The following ITCH variants were observed in gnomAD, a reference collection of about 807,000 sequenced individuals.
ITCH encodes itchy E3 ubiquitin protein ligase.
In ITCH, 28 loss-of-function variants were observed where a neutral mutation model predicts 126.8. The ratio of observed to expected loss-of-function variants is 0.22; its 90% CI spans 0.16 to 0.30. The LOEUF (loss-of-function observed/expected upper bound fraction) is 0.30. Among genes scored for constraint, ITCH ranks in the 10% least tolerant of loss-of-function variants. The pLI is 1.00. For synonymous variants in ITCH, 342 were observed against 340.0 expected (o/e 1.01, Z -0.06); for missense variants, 631 against 1,032.4 (o/e 0.61, Z 5.33).
intron 12 of ITCH, among the ~76,000 whole-genome samples, chr20:34,456,099 G>GTA (rs1383672478): frequency 1.4e-5 from 2 of 139,100 alleles, no homozygotes; most frequent in Non-Finnish European, 3.1e-5. Flanking sequence ...ATATATGTAT[G>GTA]TATATATACA....
chr20:34,455,720 C>T (rs559230560), intron 12 of ITCH, among the ~76,000 whole-genome samples: 4 of 151,462 alleles, frequency 2.6e-5, no homozygotes, highest in Admixed American at 2.0e-4. Context: ...TCAGGCAGTC[C>T]GCCCGCCTCT....
chr20:34,412,414 G>A, intron 4 of ITCH, 101 bp from the exon 5 acceptor site: 1 of 882,496 alleles, frequency 1.1e-6, no homozygotes, highest in Non-Finnish European at 1.8e-6. Context: ...AAGGGGTGCA[G>A]TGAGAAGACT....
chr20:34,401,325 C>A (rs2038877829), intron 3 of ITCH, among the ~76,000 whole-genome samples: 1 of 151,910 alleles, frequency 6.6e-6, no homozygotes, highest in Admixed American at 6.6e-5. Context: ...AAATTACAAG[C>A]TCAACCCATT....
chr20:34,427,803 TAAACCTGTATCTTTGTATAATA>T (rs1981754242), intron 7 of ITCH, among the ~76,000 whole-genome samples: 1 of 152,216 alleles, frequency 6.6e-6, no homozygotes. Flanking sequence ...TTTTACACAA[TAAACCTGTATCTTTGTATAATA>T]AGTGGGTATG....
At chr20:34,451,289 CAA>C (rs1234630566) in intron 12 of ITCH, among the ~76,000 whole-genome samples, 37 of 71,186 alleles carry the variant, frequency 5.2e-4, no homozygotes, top group Admixed American at 8.2e-4. Context: ...GACTCCGTCT[CAA>C]AAAAAAAAAA....
rs1568953807 is a variant in ITCH, at chr20:34,449,454, C to A, written c.1184C>A (p.Pro395His). The A allele has an allele frequency of 6.2e-7, 1 of 1,611,756 alleles. No homozygotes were observed. Residue 395 changes from proline to histidine, a missense_variant, in exon 12 of 25, where the codon CCT becomes CAT. Transcript: ENST00000374864. Reference sequence around the variant, plus strand: ...ACATCACAAAGTAAAGAATTTGATCCTCTTGGTCCATTGCCACCTGGATGG... The same window carrying A: ...ACATCACAAAGTAAAGAATTTGATCATCTTGGTCCATTGCCACCTGGATGG... ...FATSQSKEFD[P>H]LGPLPPGWEK...
intron 2 of ITCH, among the ~76,000 whole-genome samples, chr20:34,381,936 C>T (rs1367556342): frequency 6.6e-6 from 1 of 151,384 alleles, no homozygotes. Context: ...TAATGAATAA[C>T]GTGTTTGGTG....
Position 34,507,822 on chromosome 20 carries a change from C to A in ITCH, c.*28C>A. ...TCTGAGAACTTGCACCATGAATGGGCAAGAACTTATTTGCAATGTTTGTCC... is the reference window on the plus strand; with the variant it reads ...TCTGAGAACTTGCACCATGAATGGGAAAGAACTTATTTGCAATGTTTGTCC... On this transcript the variant is annotated 3_prime_UTR_variant, in exon 25 of 25. Coordinates refer to ENST00000374864, the MANE Select transcript of ITCH (RefSeq NM_031483.7). The A allele has an allele frequency of 6.6e-7, 1 of 1,521,080 alleles. No individual in the cohort carries two copies. The highest frequency in any genetic ancestry group is 9.1e-7 in the Non-Finnish European group (1 of 1,095,616). 94.2% of individuals were successfully genotyped at this position (1,521,080 alleles called of 1,614,324 possible).
intron 23 of ITCH, among the ~76,000 whole-genome samples, chr20:34,497,655 T>G (rs1989976529): frequency 6.6e-6 from 1 of 152,120 alleles, no homozygotes; most frequent in African/African-American, 2.4e-5. Flanking sequence ...CTCAGTTCAC[T>G]GCAACCTCTG....
intron 16 of ITCH, chr20:34,475,789 A>G (rs1021268313): frequency 9.6e-5 from 61 of 633,916 alleles, no homozygotes; most frequent in Middle Eastern, 4.2e-4. Flanking sequence ...AAAATTTAGT[A>G]GTTATACAAG....
chr20:34,481,265 C>G, intron 20 of ITCH, 59 bp downstream of exon 20: 1 of 1,490,852 alleles, frequency 6.7e-7, no homozygotes, highest in Non-Finnish European at 9.3e-7. Context: ...TTGATAATTG[C>G]TTACTAATAC....
intron 2 of ITCH, among the ~76,000 whole-genome samples, chr20:34,390,999 C>G (rs1461581765): frequency 6.6e-6 from 1 of 151,696 alleles, no homozygotes; most frequent in Non-Finnish European, 1.5e-5. Flanking sequence ...GTGATTCACC[C>G]GTCTTGGCCT....
chr20:34,481,014 A>C, intron 19 of ITCH, 52 bp from the exon 20 acceptor site: 1 of 1,580,448 alleles, frequency 6.3e-7, no homozygotes, highest in Non-Finnish European at 8.7e-7. Context: ...AAACTTATAA[A>C]TTATGATTGA....
intron 2 of ITCH, among the ~76,000 whole-genome samples, chr20:34,378,349 C>T (rs988052395): frequency 6.6e-6 from 1 of 151,014 alleles, no homozygotes; most frequent in Admixed American, 6.6e-5. Flanking sequence ...GGTGGCGCAC[C>T]TATAATCCCA....
intron 6 of ITCH, among the ~76,000 whole-genome samples, chr20:34,416,322 C>T (rs1449210441): frequency 2.0e-5 from 3 of 152,204 alleles, no homozygotes; most frequent in Non-Finnish European, 2.9e-5. Flanking sequence ...CACTTGAACC[C>T]GGGAGTTAGA....
chr20:34,474,101 A>G (rs1987897500), intron 16 of ITCH, among the ~76,000 whole-genome samples: 1 of 152,226 alleles, frequency 6.6e-6, no homozygotes, highest in Non-Finnish European at 1.5e-5. Context: ...TTTCTATCAC[A>G]TTAACTATTT....
chr20:34,476,341 CG>C lies in ITCH; in HGVS notation c.1570-1429del, dbSNP rs1278437436. 3.1e-6 allele frequency: 4 copies of C among 1,302,064 alleles called. No individual in the cohort carries two copies. The East Asian group carries it at 1.0e-4, about 33-fold the overall frequency. The allele number at this position is 1,302,064 out of a possible 1,614,324, so 80.7% of individuals were successfully genotyped here. On this transcript the variant is annotated intron_variant, in intron 16 of 24. Coordinates refer to ENST00000374864, the MANE Select transcript of ITCH (RefSeq NM_031483.7). ...CAGCGGCCGGCTCGCCTCCGCGCTC[CG>C]GCCCGGTCCCCGGCTCCTCAGCAGG...
At chr20:34,442,057 A>T in intron 9 of ITCH, 151 bp from the exon 10 acceptor site, 1 of 687,302 alleles carries the variant, frequency 1.5e-6, no homozygotes, top group South Asian at 1.6e-5. Context: ...TCTTCACTTT[A>T]TTCCTAAATT....
chr20:34,450,553 GCATTATATAGCAAGGTTT>G (rs1985071133), intron 12 of ITCH, among the ~76,000 whole-genome samples: 1 of 152,290 alleles, frequency 6.6e-6, no homozygotes, highest in South Asian at 2.1e-4. Context: ...AATACTCACA[GCATTATATAGCAAGGTTT>G]CAGAATAAAG....
Sources: allele counts gnomAD v4.1 joint callset (sites outside exome capture counted in the v4.1 genomes callset), GRCh38; gene constraint gnomAD v4.1.1; transcripts MANE v1.5; gene names NCBI Gene and HGNC (gene_info 2026-07-23, HGNC 2026-07-21).